AMBRA1: variants seen among roughly 807,000 people sequenced by gnomAD.
The protein encoded by AMBRA1 is activating molecule in BECN1-regulated autophagy protein 1.
A neutral mutation model predicts 125.4 loss-of-function variants in AMBRA1; 47 were observed. The ratio of observed to expected loss-of-function variants is 0.37; its 90% CI spans 0.30 to 0.48. The LOEUF is 0.48. AMBRA1 is among the 20% of genes least tolerant of loss of function. The probability of loss-of-function intolerance (pLI) is 0.99; values close to 1 mark genes in which losing one functional copy is unlikely to be tolerated. For missense variants in AMBRA1, 1,331 were observed against 1,693.4 expected (o/e 0.79, Z 3.76); for synonymous variants, 626 against 655.5 (o/e 0.95, Z 0.69).
rs558753139 is a variant in AMBRA1, at chr11:46,452,757, T to G, written c.2522-9159A>C. On this transcript the variant is annotated intron_variant, in intron 11 of 17. Coordinates refer to ENST00000683756, the MANE Select transcript of AMBRA1 (RefSeq NM_001387011.1). ...ATCTAATCTGAAATCACAGTCAATGTATCCTATAGCCTGGTACCTGGAAAA... is the reference window on the plus strand; with the variant it reads ...ATCTAATCTGAAATCACAGTCAATGGATCCTATAGCCTGGTACCTGGAAAA... Among the ~76,000 whole-genome samples the G allele has an allele frequency of 4.6e-5, 7 of 152,338 alleles. No individual in the cohort carries two copies. In the Middle Eastern group the frequency reaches 0.017, roughly 370 times the overall value.
chr11:46,549,309 A>G (rs7925678), intron 1 of AMBRA1, among the ~76,000 whole-genome samples: 64,739 of 152,164 alleles, frequency 0.43, 18,384 homozygotes, highest in African/African-American at 0.81. Flanking sequence ...ATCCACTGTG[A>G]CATTGTTTCT....
At chr11:46,532,573 A>C (rs1047746212) in intron 7 of AMBRA1, among the ~76,000 whole-genome samples, 11 of 152,160 alleles carry the variant, frequency 7.2e-5, no homozygotes, top group African/African-American at 2.7e-4. Flanking sequence ...AATAGCTGGG[A>C]CTACAGGCAC....
At chr11:46,418,444 A>T (rs1946678554) in intron 14 of AMBRA1, among the ~76,000 whole-genome samples, 1 of 150,122 alleles carries the variant, frequency 6.7e-6, no homozygotes, top group South Asian at 2.1e-4. Flanking sequence ...GTACATGTGC[A>T]CAACGTGCAG....
intron 7 of AMBRA1, among the ~76,000 whole-genome samples, chr11:46,541,119 G>C (rs1591068154): frequency 6.6e-6 from 1 of 152,276 alleles, no homozygotes; most frequent in East Asian, 1.9e-4. Context: ...TGCTAGCTTT[G>C]ACCTTTACAA....
intron 14 of AMBRA1, 46 bp downstream of exon 14, chr11:46,433,428 C>T (rs1326770897): frequency 6.2e-7 from 1 of 1,600,310 alleles, no homozygotes; most frequent in African/African-American, 1.3e-5. Flanking sequence ...CCCTTCCAAG[C>T]CTAGGGGAGC....
intron 15 of AMBRA1, among the ~76,000 whole-genome samples, chr11:46,411,779 T>G (rs1040087659): frequency 1.3e-5 from 2 of 150,916 alleles, no homozygotes. Flanking sequence ...CAAATCTGTC[T>G]TTTTAATTTT....
rs757828679 is a variant in AMBRA1 at position 46,396,505 on chromosome 11, T to C, written c.*945A>G. On this transcript the variant is annotated 3_prime_UTR_variant, in exon 18 of 18. Coordinates refer to ENST00000683756, the MANE Select transcript of AMBRA1 (RefSeq NM_001387011.1). ...CTCTCCTCCCACCACAATGTTTCTA[T>C]GATGAGTTACAAACAGAAAGGAAAT... The C allele has an allele frequency of 1.1e-4, 17 of 152,750 alleles. No individual in the cohort carries two copies. Among genetic ancestry groups the C allele is most frequent in the Non-Finnish European group, 1.8e-4 (12 of 68,038 alleles). The allele number at this position is 152,750 out of a possible 1,614,324, so 9.5% of individuals were successfully genotyped here. A position where few individuals can be genotyped will look rare whatever the true frequency, so the allele number is the denominator to read the frequency against.
intron 1 of AMBRA1, among the ~76,000 whole-genome samples, chr11:46,583,417 T>C (rs1181444967): frequency 6.6e-6 from 1 of 151,378 alleles, no homozygotes; most frequent in Non-Finnish European, 1.5e-5. Context: ...AACCTAGGCA[T>C]TACCATTCAG....
intron 17 of AMBRA1, among the ~76,000 whole-genome samples, chr11:46,401,228 C>T (rs116643004): frequency 6.2e-4 from 93 of 149,290 alleles, no homozygotes; most frequent in African/African-American, 2.1e-3. Context: ...CTGTGCCAGG[C>T]GCTGTGCCTA....
intron 5 of AMBRA1, 39 bp from the exon 6 acceptor site, chr11:46,544,080 G>C (rs1246736717): frequency 7.2e-6 from 11 of 1,526,174 alleles, no homozygotes; most frequent in Non-Finnish European, 9.9e-6. Context: ...CACACATAGA[G>C]AGATTATGTT....
intron 1 of AMBRA1, among the ~76,000 whole-genome samples, chr11:46,555,663 G>C (rs561923955): frequency 6.6e-5 from 10 of 152,308 alleles, no homozygotes; most frequent in African/African-American, 2.4e-4. Context: ...AGTGCTCAGG[G>C]AGAAAATAAA....
At chr11:46,547,391 C>T in intron 3 of AMBRA1, 95 bp from the exon 4 acceptor site, 1 of 1,058,108 alleles carries the variant, frequency 9.5e-7, no homozygotes. Context: ...ATGCTACCTG[C>T]CAATCCCAAC....
chr11:46,579,044 A>AT (rs200226243), intron 1 of AMBRA1, among the ~76,000 whole-genome samples: 2,332 of 141,438 alleles, frequency 0.016, 25 homozygotes, highest in Middle Eastern at 0.026. Context: ...CAAGAAAGCA[A>AT]TAAAAAAAAA....
rs1457498138 is a variant in AMBRA1 at position 46,548,294 on chromosome 11, C to A, written c.87G>T (p.Leu29=). ...GGGTTTTATCTTCTACCAGCTCCTG[C>A]AGAAGCCGCTGAGCTCCCATGGCCC... The part of the protein sequence containing the change: ...GARAMGAQRL[L]QELVEDKTRW... The change falls in exon 2 of 18, where the codon CTG becomes CTT. Residue 29 remains leucine, a synonymous_variant. Transcript: ENST00000683756. The A allele has an allele frequency of 3.7e-6, 6 of 1,614,062 alleles. No homozygotes were observed. Among genetic ancestry groups the A allele is most frequent in the African/African-American group, 1.3e-5 (1 of 74,936 alleles).
rs755464260 is a variant in AMBRA1 at position 46,542,194 on chromosome 11, C to T, written c.1823G>A (p.Ser608Asn). 1.9e-6 allele frequency: 3 copies of T among 1,613,672 alleles called. No homozygotes were observed. Among genetic ancestry groups the T allele is most frequent in the Non-Finnish European group, 1.7e-6 (2 of 1,179,840 alleles). Reference sequence around the variant, plus strand: ...CAACTGGCTGCCACTTGATGGCACACTCTCAAAGGAGCTGGGGACCTGCCA... The same window carrying T: ...CAACTGGCTGCCACTTGATGGCACATTCTCAAAGGAGCTGGGGACCTGCCA... The part of the protein sequence containing the change: ...SSWQVPSSFE[S>N]VPSSGSQLPP... Residue 608 changes from serine (S) to asparagine (N), a missense_variant, in exon 7 of 18, where the codon AGT (serine) becomes AAT (asparagine). Around this residue, in one of 4 missense-constraint regions of AMBRA1, gnomAD observed 689 missense variants for 776.5 expected, o/e 0.89. Transcript: ENST00000683756. The surrounding 1 kb of genome is among the most constrained non-coding windows in gnomAD (Gnocchi z 5.9).
chr11:46,414,029 G>A (rs1946416878), intron 15 of AMBRA1, among the ~76,000 whole-genome samples: 2 of 152,132 alleles, frequency 1.3e-5, no homozygotes, highest in South Asian at 2.1e-4. Context: ...ACAGCATCTG[G>A]AAGCTGTGCT....
chr11:46,469,405 A>C (rs934912301), intron 11 of AMBRA1, among the ~76,000 whole-genome samples: 2 of 152,174 alleles, frequency 1.3e-5, no homozygotes, highest in Non-Finnish European at 2.9e-5. Flanking sequence ...CTTAGATTAC[A>C]ACAGACTGTA....
intron 17 of AMBRA1, among the ~76,000 whole-genome samples, chr11:46,402,321 G>A (rs1945803152): frequency 6.6e-6 from 1 of 152,176 alleles, no homozygotes; most frequent in Non-Finnish European, 1.5e-5. Flanking sequence ...AGGATGCTTG[G>A]AAAACCGGTC....
At chr11:46,412,579 C>G (rs865981685) in intron 15 of AMBRA1, among the ~76,000 whole-genome samples, 4 of 152,162 alleles carry the variant, frequency 2.6e-5, no homozygotes, top group Admixed American at 6.5e-5. Flanking sequence ...TGTGAACCAC[C>G]GTTCCCAGAC....
Sources: allele counts gnomAD v4.1 joint callset (sites outside exome capture counted in the v4.1 genomes callset), GRCh38; gene constraint gnomAD v4.1.1; regional missense constraint gnomAD v4.1.1; non-coding constraint Gnocchi (gnomAD v3.1); transcripts MANE v1.5; gene names NCBI Gene and HGNC (gene_info 2026-07-23, HGNC 2026-07-21).